ARMH1: variants seen among roughly 807,000 people sequenced by gnomAD.
ARMH1 encodes armadillo-like helical domain containing protein 1.
In ARMH1, 34 loss-of-function variants were observed where a neutral mutation model predicts 50.2. The observed-to-expected ratio is 0.68, with a 90% CI of 0.51 to 0.90. The LOEUF is 0.90. ARMH1 is among the 40% of genes least tolerant of loss of function. The pLI, the probability that ARMH1 is intolerant of heterozygous loss-of-function variation, is 0.00. For missense variants in ARMH1, 538 were observed against 553.9 expected (o/e 0.97, Z 0.29); for synonymous variants, 221 against 224.2 (o/e 0.99, Z 0.13).
chr1:44,721,693 C>A (rs145187494), intron 6 of ARMH1: 1 of 152,072 alleles, frequency 6.6e-6, no homozygotes, highest in African/African-American at 2.4e-5. Flanking sequence ...CACACCACTC[C>A]GCTACAACCT....
At chr1:44,693,064 A>C (rs1645711198) in intron 2 of ARMH1, 1 of 152,228 alleles carries the variant, frequency 6.6e-6, no homozygotes, top group Non-Finnish European at 1.5e-5. Context: ...ATTATTGTGC[A>C]TAAAAGAGGT....
intron 1 of ARMH1, among the ~76,000 whole-genome samples, chr1:44,687,290 T>A (rs1645503880): frequency 6.6e-6 from 1 of 152,210 alleles, no homozygotes; most frequent in Admixed American, 6.5e-5. Flanking sequence ...ACACCAATCA[T>A]ATTGGATAAA....
intron 6 of ARMH1, among the ~76,000 whole-genome samples, chr1:44,716,919 C>T (rs1436585920): frequency 6.0e-5 from 9 of 150,128 alleles, no homozygotes; most frequent in Non-Finnish European, 7.4e-5. Flanking sequence ...GGCGCGATCT[C>T]GGCTCATTGC....
At position 44,685,722 on chromosome 1, in the gene ARMH1, G is replaced by A. The variant is rs6659673; in HGVS notation, c.-22-3954G>A. Among the ~76,000 whole-genome samples the A allele has an allele frequency of 8.8e-3, 1,340 of 152,008 alleles. 15 individuals are homozygous for A. The highest frequency in any genetic ancestry group is 0.031 in the African/African-American group (1,279 of 41,380). On this transcript the variant is annotated intron_variant, in intron 1 of 11. Coordinates refer to ENST00000535358, the MANE Select transcript of ARMH1 (RefSeq NM_001145636.2). ...GGCTCACTGCAACCTCCACATCCTG[G>A]GTTCAAGTGATTCTCCTGCCTCAGC...
intron 6 of ARMH1, among the ~76,000 whole-genome samples, chr1:44,717,144 C>T (rs1646887118): frequency 6.6e-6 from 1 of 152,254 alleles, no homozygotes; most frequent in Non-Finnish European, 1.5e-5. Context: ...CCACCGCGCC[C>T]GGCCTGAAAT....
At position 44,724,823 on chromosome 1, in the gene ARMH1, T is replaced by G. The variant is rs892433742; in HGVS notation, c.1112T>G (p.Leu371Arg). 5 of 1,541,442 alleles carry G rather than the reference T, an allele frequency of 3.2e-6. No individual in the cohort carries two copies. In the African/African-American group the frequency reaches 6.8e-5, roughly 21 times the overall value. Reference protein sequence around the residue: ...EHVRKCMGEELYQLFLSNAED... With the variant: ...EHVRKCMGEERYQLFLSNAED... ...GTGCGCAAGTGCATGGGGGAGGAACTCTACCAGCTCTTCCTGGTAAGTGCG... is the reference window on the plus strand; with the variant it reads ...GTGCGCAAGTGCATGGGGGAGGAACGCTACCAGCTCTTCCTGGTAAGTGCG... The change falls in exon 10 of 12, where the codon CTC becomes CGC. Residue 371 changes from leucine (L) to arginine (R), a missense_variant. Transcript: ENST00000535358. The surrounding 1 kb of genome is among the most constrained non-coding windows in gnomAD (Gnocchi z 6.4).
intron 6 of ARMH1, among the ~76,000 whole-genome samples, chr1:44,720,155 C>T (rs1647033627): frequency 6.8e-6 from 1 of 146,404 alleles, no homozygotes; most frequent in Admixed American, 6.9e-5. Context: ...CAAGATCGTG[C>T]CATTGCACTC....
chr1:44,687,987 G>A (rs1381795184), intron 1 of ARMH1, among the ~76,000 whole-genome samples: 1 of 152,172 alleles, frequency 6.6e-6, no homozygotes, highest in Non-Finnish European at 1.5e-5. Flanking sequence ...GGCACACGGT[G>A]CTTTCCTGCC....
Position 44,724,719 on chromosome 1 carries a change from C to CCCG in ARMH1, c.1051-42_1051-40dup, listed in dbSNP as rs1557576045. 6.7e-7 allele frequency: 1 copy of CCCG among 1,496,436 alleles called. No homozygotes were observed. Among genetic ancestry groups the CCCG allele is most frequent in the South Asian group, 1.3e-5 (1 of 78,356 alleles). The allele number at this position is 1,496,436 out of a possible 1,614,324, so 92.7% of individuals were successfully genotyped here. On this transcript the variant is annotated intron_variant, in intron 9 of 11. Transcript: ENST00000535358. This position sits in a 1 kb window ranked among gnomAD's most constrained non-coding sequence, Gnocchi z 6.4. ...CGGGAAGGGCGGCGGCACCCGCAGC[C>CCCG]CCGTCGCCCCCGCAGTCACGCCGCC...
chr1:44,716,851 CTTT>C (rs758060030), intron 6 of ARMH1, among the ~76,000 whole-genome samples: 3 of 138,300 alleles, frequency 2.2e-5, no homozygotes, highest in Admixed American at 7.3e-5. Context: ...ATTCTTTTTT[CTTT>C]TTTTTTTTTT....
At chr1:44,709,574 A>G (rs931318738) in intron 6 of ARMH1, among the ~76,000 whole-genome samples, 1 of 151,940 alleles carries the variant, frequency 6.6e-6, no homozygotes, top group Admixed American at 6.6e-5. Flanking sequence ...CGGGAGGCTG[A>G]GGCAGGAGAA....
intron 2 of ARMH1, among the ~76,000 whole-genome samples, chr1:44,691,640 T>C (rs1645662505): frequency 6.6e-6 from 1 of 152,190 alleles, no homozygotes; most frequent in Non-Finnish European, 1.5e-5. Context: ...GACTAGTTCA[T>C]TGTCAAGATT....
At chr1:44,710,772 A>G (rs1646579392) in intron 6 of ARMH1, among the ~76,000 whole-genome samples, 2 of 152,170 alleles carry the variant, frequency 1.3e-5, no homozygotes, top group South Asian at 4.1e-4. Flanking sequence ...ACAGTGTTGT[A>G]CAACCACCAT....
At chr1:44,720,790 C>G (rs985925872) in intron 6 of ARMH1, among the ~76,000 whole-genome samples, 2 of 152,068 alleles carry the variant, frequency 1.3e-5, no homozygotes, top group African/African-American at 4.8e-5. Flanking sequence ...AATCCCAGCA[C>G]TTTCGGAGGC....
chr1:44,696,411 T>C (rs879262935), intron 2 of ARMH1, among the ~76,000 whole-genome samples: 1 of 152,272 alleles, frequency 6.6e-6, no homozygotes, highest in Non-Finnish European at 1.5e-5. Context: ...GAGCCTCTGA[T>C]GTGTTATGAG....
At chr1:44,701,203 G>C in intron 5 of ARMH1, 84 bp downstream of exon 5, 1 of 1,338,522 alleles carries the variant, frequency 7.5e-7, no homozygotes, top group South Asian at 1.5e-5. Flanking sequence ...CTCCACACAG[G>C]CATGAGAAAC....
chr1:44,694,147 A>C (rs1229427525), intron 2 of ARMH1, among the ~76,000 whole-genome samples: 1 of 152,254 alleles, frequency 6.6e-6, no homozygotes, highest in Non-Finnish European at 1.5e-5. Context: ...TGAATGAACC[A>C]TGCTTTTACT....
chr1:44,685,893 T>C (rs1645455888), intron 1 of ARMH1, among the ~76,000 whole-genome samples: 1 of 152,192 alleles, frequency 6.6e-6, no homozygotes, highest in African/African-American at 2.4e-5. Context: ...CCCAAAGTGC[T>C]AGGATTACAG....
At chr1:44,703,600 G>A (rs1007518031) in intron 5 of ARMH1, among the ~76,000 whole-genome samples, 1 of 150,794 alleles carries the variant, frequency 6.6e-6, no homozygotes, top group South Asian at 2.1e-4. Flanking sequence ...ATGGTGGCGG[G>A]CACCTGTAAT....
Sources: allele counts gnomAD v4.1 joint callset (sites outside exome capture counted in the v4.1 genomes callset), GRCh38; gene constraint gnomAD v4.1.1; non-coding constraint Gnocchi (gnomAD v3.1); transcripts MANE v1.5; gene names NCBI Gene and HGNC (gene_info 2026-07-23, HGNC 2026-07-21).